Variants in OR6N1 observed in about 807,000 individuals in gnomAD.
The protein encoded by OR6N1 is olfactory receptor 6N1.
For missense variants in OR6N1, 394 were observed against 371.7 expected, an observed-to-expected ratio of 1.06 and a Z score of -0.49; for synonymous variants, 170 against 150.7, an observed-to-expected ratio of 1.13 and a Z score of -0.94.
the OR6N1 span, among the ~76,000 whole-genome samples, chr1:158,796,945 CCT>C: frequency 1.3e-5 from 2 of 151,448 alleles, no homozygotes; most frequent in Non-Finnish European, 2.9e-5. Context: ...TCCAGGTTTA[CCT>C]CTGTTTTAGC....
At chr1:158,795,530 A>G in the OR6N1 span, among the ~76,000 whole-genome samples, 1 of 152,160 alleles carries the variant, frequency 6.6e-6, no homozygotes, top group African/African-American at 2.4e-5. Context: ...ATGCCAGTAG[A>G]CTTCTGCAAG....
At chr1:158,794,503 C>T in the OR6N1 span, among the ~76,000 whole-genome samples, 46 of 152,164 alleles carry the variant, frequency 3.0e-4, no homozygotes, top group South Asian at 2.1e-4. Flanking sequence ...CCACACTCCA[C>T]GCTGTTGCCA....
the OR6N1 span, among the ~76,000 whole-genome samples, chr1:158,798,345 CT>C: frequency 6.6e-6 from 1 of 150,962 alleles, no homozygotes; most frequent in African/African-American, 2.4e-5. Flanking sequence ...TAATTTTATA[CT>C]TTTTAAATAA....
chr1:158,779,033 G>A, the OR6N1 span, among the ~76,000 whole-genome samples: 5,723 of 79,702 alleles, frequency 0.072, 351 homozygotes, highest in East Asian at 0.2. Flanking sequence ...AAAAAAAAAA[G>A]AATGCAGATT....
the OR6N1 span, among the ~76,000 whole-genome samples, chr1:158,818,097 C>T: frequency 5.9e-5 from 9 of 152,196 alleles, no homozygotes; most frequent in Admixed American, 3.3e-4. Context: ...TCTTTATCCA[C>T]TCTGGACTAT....
In OR6N1 at chr1:158,766,368, G is replaced by A. The variant is rs375079922; in HGVS notation, c.315C>T (p.His105=). 1.2e-6 allele frequency: 2 copies of A among 1,614,166 alleles called. No individual in the cohort carries two copies. Among genetic ancestry groups the A allele is most frequent in the Non-Finnish European group, 8.5e-7 (1 of 1,180,032 alleles). Residue 105 remains histidine, a synonymous_variant, in exon 2 of 2, where the codon CAC becomes CAT. Coordinates refer to ENST00000641846, the MANE Select transcript of OR6N1 (RefSeq NM_001005185.2). ...GATAGCACTCAGTCGCTCCAAGGGAGTGAAAGAAATAGATCTGCAGGAGAC... is the reference window on the plus strand; with the variant it reads ...GATAGCACTCAGTCGCTCCAAGGGAATGAAAGAAATAGATCTGCAGGAGAC... ...SGCLLQIYFF[H]SLGATECYLL...
the OR6N1 span, among the ~76,000 whole-genome samples, chr1:158,817,548 A>G: frequency 6.6e-6 from 1 of 152,234 alleles, no homozygotes; most frequent in Non-Finnish European, 1.5e-5. Context: ...GTTCAAAAAT[A>G]TGGGATCAGA....
At chr1:158,801,078 T>G in the OR6N1 span, among the ~76,000 whole-genome samples, 1 of 152,100 alleles carries the variant, frequency 6.6e-6, no homozygotes, top group East Asian at 1.9e-4. Flanking sequence ...CCACTTTTCA[T>G]GACCTCCCAT....
the OR6N1 span, among the ~76,000 whole-genome samples, chr1:158,808,077 CATT>C: frequency 2.2e-5 from 3 of 139,244 alleles, no homozygotes; most frequent in Admixed American, 1.4e-4. Context: ...CAAATTAGAT[CATT>C]GAGCTTCCCT....
At chr1:158,778,297 T>G in the OR6N1 span, among the ~76,000 whole-genome samples, 1 of 152,170 alleles carries the variant, frequency 6.6e-6, no homozygotes, top group African/African-American at 2.4e-5. Flanking sequence ...TACAGAACAC[T>G]TCAGTGTGCC....
At chr1:158,767,017 A>T (rs1201971026) in intron 1 of OR6N1, among the ~76,000 whole-genome samples, 1 of 152,186 alleles carries the variant, frequency 6.6e-6, no homozygotes, top group Non-Finnish European at 1.5e-5. Flanking sequence ...GGTATTTCTA[A>T]TCCAAGGTAT....
At chr1:158,839,466 C>T in the OR6N1 span, among the ~76,000 whole-genome samples, 1 of 152,188 alleles carries the variant, frequency 6.6e-6, no homozygotes, top group Non-Finnish European at 1.5e-5. Context: ...TCCCATGAAG[C>T]TCTCACAAGC....
At chr1:158,806,397 C>G in the OR6N1 span, among the ~76,000 whole-genome samples, 2 of 152,182 alleles carry the variant, frequency 1.3e-5, no homozygotes, top group Non-Finnish European at 2.9e-5. Context: ...AAATAAATCC[C>G]CACTGAAGAC....
chr1:158,830,551 A>T, the OR6N1 span, among the ~76,000 whole-genome samples: 1 of 152,276 alleles, frequency 6.6e-6, no homozygotes, highest in Non-Finnish European at 1.5e-5. Context: ...CATTCATTTG[A>T]CAATTCAGAG....
At chr1:158,827,242 A>G in the OR6N1 span, among the ~76,000 whole-genome samples, 2 of 152,206 alleles carry the variant, frequency 1.3e-5, no homozygotes, top group Non-Finnish European at 2.9e-5. Flanking sequence ...ACACAAGGAT[A>G]GTTGGAACAA....
chr1:158,767,138 A>T (rs1558032248), intron 1 of OR6N1, among the ~76,000 whole-genome samples: 1 of 152,104 alleles, frequency 6.6e-6, no homozygotes, highest in Non-Finnish European at 1.5e-5. Flanking sequence ...TTATTTTCTA[A>T]TTTCTCATTT....
At chr1:158,820,823 C>G in the OR6N1 span, among the ~76,000 whole-genome samples, 1 of 152,102 alleles carries the variant, frequency 6.6e-6, no homozygotes, top group African/African-American at 2.4e-5. Flanking sequence ...AAGGAGACCT[C>G]GGTGCTGTTT....
the OR6N1 span, among the ~76,000 whole-genome samples, chr1:158,812,006 A>T: frequency 6.6e-6 from 1 of 152,226 alleles, no homozygotes; most frequent in African/African-American, 2.4e-5. Context: ...ATTCCACTTC[A>T]TCAGAAACAT....
chr1:158,777,685 T>A, the OR6N1 span: 1 of 1,203,772 alleles, frequency 8.3e-7, no homozygotes, highest in Non-Finnish European at 1.2e-6. Flanking sequence ...TTGAGATGAC[T>A]GCTGAATCCA....
Sources: gnomAD v4.1 joint callset for allele counts (sites outside exome capture counted in the v4.1 genomes callset) on GRCh38, gnomAD v4.1.1 for gene constraint, MANE v1.5 for transcripts, NCBI Gene and HGNC (gene_info 2026-07-23, HGNC 2026-07-21) for gene names.